Variants in LPCAT1 observed in about 807,000 individuals in gnomAD.
LPCAT1 encodes the protein lysophosphatidylcholine acyltransferase 1, also known as 1-acylglycerol-3-phosphate O-acyltransferase.
LPCAT1 carries 23 observed loss-of-function variants against 60.9 expected under a neutral mutation model. That is an observed-to-expected ratio of 0.38 (90% CI 0.27 to 0.53). LPCAT1 has a LOEUF of 0.53. Among genes scored for constraint, LPCAT1 ranks in the 20% least tolerant of loss-of-function variants. LPCAT1 has a pLI of 0.82. For synonymous variants in LPCAT1, 340 were observed against 301.1 expected (o/e 1.13, Z -1.34); for missense variants, 622 against 723.6 (o/e 0.86, Z 1.61).
At chr5:1,466,945 C>G in intron 12 of LPCAT1, 55 bp from the exon 13 acceptor site, 1 of 1,459,148 alleles carries the variant, frequency 6.9e-7, no homozygotes, top group South Asian at 1.4e-5. Context: ...CACCAGGCCC[C>G]GCTGTCCAGG....
chr5:1,463,627 C>T lies in LPCAT1; in HGVS notation c.*24G>A. The T allele has an allele frequency of 1.9e-6, 3 of 1,612,012 alleles. No individual in the cohort carries two copies. The highest frequency in any genetic ancestry group is 2.5e-6 in the Non-Finnish European group (3 of 1,179,394). On this transcript the variant is annotated 3_prime_UTR_variant, in exon 14 of 14. Transcript: ENST00000283415. ...GCGGTGATGTCCACGCGGGAGGGGC[C>T]GCGTCTCTCCGCAACCCTGGGTCCT...
At chr5:1,478,029 C>T (rs1202409027) in intron 8 of LPCAT1, among the ~76,000 whole-genome samples, 2 of 152,296 alleles carry the variant, frequency 1.3e-5, no homozygotes, top group East Asian at 3.8e-4. Context: ...CCTGATCTCA[C>T]AGAGGGGCTT....
intron 5 of LPCAT1, among the ~76,000 whole-genome samples, chr5:1,484,242 C>G (rs1408445391): frequency 1.3e-5 from 2 of 152,272 alleles, no homozygotes; most frequent in African/African-American, 2.4e-5. Context: ...TCAGGAACTT[C>G]CCCGTTCCCA....
chr5:1,471,033 T>G, intron 11 of LPCAT1, 109 bp from the exon 12 acceptor site: 1 of 787,176 alleles, frequency 1.3e-6, no homozygotes, highest in Non-Finnish European at 2.1e-6. Context: ...CCACTCTCAC[T>G]CGGGAACATC....
At chr5:1,500,559 A>G (rs1341298382) in intron 2 of LPCAT1, among the ~76,000 whole-genome samples, 3 of 151,858 alleles carry the variant, frequency 2.0e-5, no homozygotes, top group Non-Finnish European at 2.9e-5. Context: ...GGCCAGGCCA[A>G]CGTTGGCTGA....
chr5:1,511,479 T>A (rs866938266), intron 1 of LPCAT1, among the ~76,000 whole-genome samples: 3 of 137,044 alleles, frequency 2.2e-5, no homozygotes, highest in African/African-American at 5.9e-5. Flanking sequence ...CTCACCCTAC[T>A]TGGGGATGCA....
intron 6 of LPCAT1, among the ~76,000 whole-genome samples, chr5:1,482,766 G>T (rs913947239): frequency 1.3e-5 from 2 of 151,530 alleles, no homozygotes; most frequent in African/African-American, 4.9e-5. Flanking sequence ...GCAGAGCCAG[G>T]GCAGGCTAAG....
chr5:1,463,810 C>T lies in LPCAT1; in HGVS notation c.1446G>A (p.Met482Ile), dbSNP rs774522469. ...TFADFHRFAE[M>I]YPAFAEEYLY... ...GGTATTCCTCTGCGAAGGCAGGGTA[C>T]ATTTCTGCAAACCTGTGGAAGTCAG... The change falls in exon 14 of 14, where the codon ATG becomes ATA. Residue 482 changes from methionine (M) to isoleucine (I), a missense_variant. Met to Ile is a conservative substitution (Grantham distance 10). Coordinates refer to ENST00000283415, the MANE Select transcript of LPCAT1 (RefSeq NM_024830.5). The T allele has an allele frequency of 6.2e-7, 1 of 1,614,226 alleles. No homozygotes were observed. The highest frequency in any genetic ancestry group is 1.1e-5 in the South Asian group (1 of 91,086).
Position 1,522,338 on chromosome 5 carries a change from T to C in LPCAT1, c.135+1372A>G, listed in dbSNP as rs900944369. 1.1e-4 allele frequency among the ~76,000 whole-genome samples: 16 copies of C among 152,028 alleles called. No homozygotes were observed. Among genetic ancestry groups the C allele is most frequent in the African/African-American group, 3.9e-4 (16 of 41,378 alleles). ...AGCGACCGTGTCCCAAGTCCTCCTTTGAGGGGCACAGCACACGGCAGCTGA... is the reference window on the plus strand; with the variant it reads ...AGCGACCGTGTCCCAAGTCCTCCTTCGAGGGGCACAGCACACGGCAGCTGA... On this transcript the variant is annotated intron_variant, in intron 1 of 13. Coordinates refer to ENST00000283415, the MANE Select transcript of LPCAT1 (RefSeq NM_024830.5). The surrounding 1 kb of genome is among the most constrained non-coding windows in gnomAD (Gnocchi z 6.8).
In LPCAT1 at chr5:1,523,593, G is replaced by T. The variant is rs1171403997; in HGVS notation, c.135+117C>A. The T allele has an allele frequency of 2.9e-6, 2 of 698,870 alleles. No homozygotes were observed. Among genetic ancestry groups the T allele is most frequent in the Admixed American group, 6.1e-5 (1 of 16,388 alleles). The allele number at this position is 698,870 out of a possible 1,614,324, so 43.3% of individuals were successfully genotyped here. On this transcript the variant is annotated intron_variant, in intron 1 of 13. Transcript: ENST00000283415. This position sits in a 1 kb window ranked among gnomAD's most constrained non-coding sequence, Gnocchi z 7.1. ...GCGGGGAGGGAAGGCGCCGCGGCTCGCAGGGCCGCGCCGCGCCCCAGGCCC... is the reference window on the plus strand; with the variant it reads ...GCGGGGAGGGAAGGCGCCGCGGCTCTCAGGGCCGCGCCGCGCCCCAGGCCC...
intron 2 of LPCAT1, among the ~76,000 whole-genome samples, chr5:1,501,166 C>G (rs1735988253): frequency 6.6e-6 from 1 of 152,202 alleles, no homozygotes; most frequent in Admixed American, 6.5e-5. Context: ...GCAGAGAAGG[C>G]TACGGTGTAG....
intron 11 of LPCAT1, among the ~76,000 whole-genome samples, chr5:1,473,099 C>T (rs1171487253): frequency 1.3e-5 from 2 of 152,110 alleles, no homozygotes; most frequent in African/African-American, 2.4e-5. Flanking sequence ...GTCCTGAGTG[C>T]TCCTCACCTG....
rs1236916609 is a variant in LPCAT1, at chr5:1,476,606, C to T, written c.899+798G>A. On this transcript the variant is annotated intron_variant, in intron 9 of 13. Coordinates refer to ENST00000283415, the MANE Select transcript of LPCAT1 (RefSeq NM_024830.5). This position sits in a 1 kb window ranked among gnomAD's most constrained non-coding sequence, Gnocchi z 8.6. Reference sequence around the variant, plus strand: ...GGCCGGTGGACCGAGGCTGATGTGGCTTCCAAGTGGCTCCTGCAGCTCAGG... The same window carrying T: ...GGCCGGTGGACCGAGGCTGATGTGGTTTCCAAGTGGCTCCTGCAGCTCAGG... Among the ~76,000 whole-genome samples the T allele has an allele frequency of 6.6e-6, 1 of 152,162 alleles. No individual in the cohort carries two copies. Among genetic ancestry groups the T allele is most frequent in the Admixed American group, 6.5e-5 (1 of 15,280 alleles).
rs985092467 is a variant in LPCAT1 at position 1,523,079 on chromosome 5, C to T, written c.135+631G>A. ...TTACAACAGGAGCGAAGCATGCACC[C>T]CAGAAGGCAACGTGCGGCCGCAGAG... is the stretch of plus-strand genomic sequence containing the variant. On this transcript the variant is annotated intron_variant, in intron 1 of 13. Transcript: ENST00000283415. The surrounding 1 kb of genome is among the most constrained non-coding windows in gnomAD (Gnocchi z 7.1). Among the ~76,000 whole-genome samples, 4 of 152,356 alleles carry T rather than the reference C, an allele frequency of 2.6e-5. No homozygotes were observed. The highest frequency in any genetic ancestry group is 1.3e-4 in the Admixed American group (2 of 15,312).
At chr5:1,466,144 G>T (rs1227361828) in intron 13 of LPCAT1, among the ~76,000 whole-genome samples, 1 of 152,246 alleles carries the variant, frequency 6.6e-6, no homozygotes, top group Non-Finnish European at 1.5e-5. Flanking sequence ...CATTCACACT[G>T]CAGGGGAGGG....
Position 1,487,618 on chromosome 5 carries a change from C to A in LPCAT1, c.667+773G>T, listed in dbSNP as rs182784911. ...TTGTGCGGCCCCAGAGGCACGGCAG[C>A]CGGTGCCAGTGTGAGCGAGGAACTG... On this transcript the variant is annotated intron_variant, in intron 5 of 13. Coordinates refer to ENST00000283415, the MANE Select transcript of LPCAT1 (RefSeq NM_024830.5). This position sits in a 1 kb window ranked among gnomAD's most constrained non-coding sequence, Gnocchi z 6.1. Among the ~76,000 whole-genome samples the A allele has an allele frequency of 6.6e-6, 1 of 152,258 alleles. No individual in the cohort carries two copies. The highest frequency in any genetic ancestry group is 1.5e-5 in the Non-Finnish European group (1 of 68,032).
rs903130402 is a variant in LPCAT1, at chr5:1,522,368, G to A, written c.135+1342C>T. Among the ~76,000 whole-genome samples the A allele has an allele frequency of 1.3e-5, 2 of 152,190 alleles. No homozygotes were observed. The highest frequency in any genetic ancestry group is 4.8e-5 in the African/African-American group (2 of 41,444). On this transcript the variant is annotated intron_variant, in intron 1 of 13. Transcript: ENST00000283415. This position sits in a 1 kb window ranked among gnomAD's most constrained non-coding sequence, Gnocchi z 6.8. Reference sequence around the variant, plus strand: ...GGCACAGCACACGGCAGCTGACAGCGTGTGGCAGACAGAGGGCCAGGCAGA... The same window carrying A: ...GGCACAGCACACGGCAGCTGACAGCATGTGGCAGACAGAGGGCCAGGCAGA...
rs969419665 is a variant in LPCAT1, at chr5:1,476,144, C to T, written c.899+1260G>A. 1.3e-5 allele frequency among the ~76,000 whole-genome samples: 2 copies of T among 152,212 alleles called. No individual in the cohort carries two copies. The highest frequency in any genetic ancestry group is 2.1e-4 in the South Asian group (1 of 4,836). The stretch of plus-strand genomic sequence containing the variant: ...TAAAATAATCAGTGAGGCCCACAGG[C>T]GATCTCTCCTTGAGCGCTGTAAAAT... On this transcript the variant is annotated intron_variant, in intron 9 of 13. Coordinates refer to ENST00000283415, the MANE Select transcript of LPCAT1 (RefSeq NM_024830.5). The surrounding 1 kb of genome is among the most constrained non-coding windows in gnomAD (Gnocchi z 8.6).
intron 13 of LPCAT1, among the ~76,000 whole-genome samples, chr5:1,465,248 G>A (rs1351097388): frequency 7.5e-6 from 1 of 132,782 alleles, no homozygotes; most frequent in Non-Finnish European, 1.6e-5. Context: ...CACGCACACA[G>A]CAACTAAACA....
Sources: gnomAD v4.1 joint callset for allele counts (sites outside exome capture counted in the v4.1 genomes callset) on GRCh38, gnomAD v4.1.1 for gene constraint, Gnocchi (gnomAD v3.1) non-coding constraint, MANE v1.5 for transcripts, NCBI Gene and HGNC (gene_info 2026-07-23, HGNC 2026-07-21) for gene names.